The following SULT2B1 variants were observed in gnomAD, a reference collection of about 807,000 sequenced individuals.
SULT2B1 encodes the protein sulfotransferase family 2B member 1, also known as sulfotransferase 2B1.
Under a neutral mutation model 33.2 loss-of-function variants are expected in SULT2B1, and 16 were observed. The ratio of observed to expected loss-of-function variants is 0.48; its 90% confidence interval spans 0.33 to 0.73. The LOEUF is 0.73. SULT2B1 is among the 30% of genes least tolerant of loss of function. The pLI is 0.02. For missense variants in SULT2B1, 500 were observed against 506.0 expected (o/e 0.99, Z 0.11); for synonymous variants, 186 against 200.5 (o/e 0.93, Z 0.61).
chr19:48,595,522 C>T (rs62130308), intron 5 of SULT2B1, among the ~76,000 whole-genome samples: 33,331 of 151,894 alleles, frequency 0.22, 3,768 homozygotes, highest in East Asian at 0.33. Context: ...GAGCTGCAGC[C>T]GTGGCAATGG....
At chr19:48,597,421 G>A (rs1973734317) in intron 6 of SULT2B1, among the ~76,000 whole-genome samples, 1 of 147,562 alleles carries the variant, frequency 6.8e-6, no homozygotes, top group Non-Finnish European at 1.5e-5. Flanking sequence ...TCGGCTCACT[G>A]CGACCTCCAC....
In SULT2B1 at chr19:48,566,981, C is replaced by A. The variant is rs142948747; in HGVS notation, c.72-8960C>A. Reference sequence around the variant, plus strand: ...TTGTGTCACTGCACTCCAACCTGGGCGATAGAGCAAGACTCTGTTTTAAAA... The same window carrying A: ...TTGTGTCACTGCACTCCAACCTGGGAGATAGAGCAAGACTCTGTTTTAAAA... On this transcript the variant is annotated intron_variant, in intron 1 of 6. Transcript: ENST00000201586. Among the ~76,000 whole-genome samples the A allele has an allele frequency of 5.3e-5, 8 of 151,662 alleles. No homozygotes were observed. The East Asian group carries it at 1.5e-3, about 29-fold the overall frequency.
At chr19:48,588,137 G>A (rs1253040899) in intron 3 of SULT2B1, among the ~76,000 whole-genome samples, 2 of 151,156 alleles carry the variant, frequency 1.3e-5, no homozygotes, top group Non-Finnish European at 2.9e-5. Context: ...TGGAACCTGG[G>A]AGGTGGAGGT....
intron 1 of SULT2B1, among the ~76,000 whole-genome samples, chr19:48,568,477 T>A (rs1410696098): frequency 1.3e-5 from 2 of 151,830 alleles, no homozygotes; most frequent in African/African-American, 4.8e-5. Context: ...CCCTAAGAGG[T>A]TATGCCAGTC....
Position 48,591,714 on chromosome 19 carries a change from A to G in SULT2B1, c.529A>G (p.Arg177Gly), listed in dbSNP as rs1224794238. ...CCCGGGCACACCCGACCAGTTCCTG[A>G]GGGACTTCCTCAAAGGCGAAGGTGG... ...KDPGTPDQFLRDFLKGEVQFG... is the reference protein window; with the variant it reads ...KDPGTPDQFLGDFLKGEVQFG... The change falls in exon 4 of 7, where the codon AGG becomes GGG. Residue 177 changes from arginine (R) to glycine (G), a missense_variant. By Grantham distance (125) the Arg-to-Gly change is moderately radical. Transcript: ENST00000201586. 14 of 1,595,826 alleles carry G rather than the reference A, an allele frequency of 8.8e-6. No individual in the cohort carries two copies. Among genetic ancestry groups the G allele is most frequent in the African/African-American group, 2.7e-5 (2 of 74,244 alleles).
intron 1 of SULT2B1, among the ~76,000 whole-genome samples, chr19:48,554,702 C>T (rs1316869327): frequency 1.5e-5 from 2 of 129,598 alleles, no homozygotes; most frequent in African/African-American, 5.7e-5. Context: ...CTGGCTCTGT[C>T]ACCCAGGCTG....
At chr19:48,578,919 T>A (rs1387599223) in intron 2 of SULT2B1, among the ~76,000 whole-genome samples, 1 of 151,810 alleles carries the variant, frequency 6.6e-6, no homozygotes, top group Non-Finnish European at 1.5e-5. Flanking sequence ...AACATTATCA[T>A]CATCCAACAA....
chr19:48,559,993 G>A (rs2147598036), intron 1 of SULT2B1, among the ~76,000 whole-genome samples: 1 of 151,504 alleles, frequency 6.6e-6, no homozygotes, highest in South Asian at 2.1e-4. Context: ...AAGAAAAGAA[G>A]AATGCCCACA....
At chr19:48,560,748 G>T (rs1973165307) in intron 1 of SULT2B1, among the ~76,000 whole-genome samples, 1 of 151,780 alleles carries the variant, frequency 6.6e-6, no homozygotes, top group Non-Finnish European at 1.5e-5. Flanking sequence ...ATCCCTTGAG[G>T]TCAGGAGTTC....
At chr19:48,595,222 C>T (rs566038276) in intron 5 of SULT2B1, among the ~76,000 whole-genome samples, 56 of 151,962 alleles carry the variant, frequency 3.7e-4, no homozygotes, top group Admixed American at 3.0e-3. Context: ...GCAGAGGTTG[C>T]GGTGAGACGA....
intron 5 of SULT2B1, among the ~76,000 whole-genome samples, chr19:48,594,044 A>G (rs1973679574): frequency 6.6e-6 from 1 of 151,728 alleles, no homozygotes; most frequent in Admixed American, 6.6e-5. Context: ...AGATCACCTG[A>G]GCTCAGGAGT....
chr19:48,564,569 A>G (rs1277737730), intron 1 of SULT2B1, among the ~76,000 whole-genome samples: 5 of 150,942 alleles, frequency 3.3e-5, no homozygotes, highest in Non-Finnish European at 7.4e-5. Context: ...AAAAAAAAAA[A>G]AAAAAAGAAA....
intron 2 of SULT2B1, among the ~76,000 whole-genome samples, chr19:48,581,029 CTTTTTTTTTTTTTT>C (rs57093444): frequency 1.5e-4 from 10 of 65,096 alleles, no homozygotes; most frequent in African/African-American, 6.4e-4. Flanking sequence ...ATATATATTC[CTTTTTTTTTTTTTT>C]TTTTTTTTTT....
At chr19:48,591,868 A>T (rs1204760683) in intron 4 of SULT2B1, 133 bp downstream of exon 4, 4 of 1,086,130 alleles carry the variant, frequency 3.7e-6, no homozygotes, top group Non-Finnish European at 4.8e-6. Context: ...CAATAGAGAC[A>T]GAGAGCAGGT....
Position 48,552,369 on chromosome 19 carries a change from G to T in SULT2B1, c.71+46G>T. The T allele has an allele frequency of 6.2e-7, 1 of 1,603,112 alleles. No individual in the cohort carries two copies. The highest frequency in any genetic ancestry group is 8.5e-7 in the Non-Finnish European group (1 of 1,172,878). On this transcript the variant is annotated intron_variant, in intron 1 of 6. Transcript: ENST00000201586. The surrounding 1 kb of genome is among the most constrained non-coding windows in gnomAD (Gnocchi z 4.8). ...GGAGCCAGGAGATCCCAGGGAGGAGGTGGCTGTTTGGGGGAGCCGGGGACT... is the reference window on the plus strand; with the variant it reads ...GGAGCCAGGAGATCCCAGGGAGGAGTTGGCTGTTTGGGGGAGCCGGGGACT...
chr19:48,594,133 C>T (rs1177385229), intron 5 of SULT2B1, among the ~76,000 whole-genome samples: 9 of 151,578 alleles, frequency 5.9e-5, no homozygotes, highest in Admixed American at 5.9e-4. Flanking sequence ...TGGTGGCGGG[C>T]GCCTGTAGCC....
At chr19:48,577,636 T>C (rs923191036) in intron 2 of SULT2B1, among the ~76,000 whole-genome samples, 1 of 152,034 alleles carries the variant, frequency 6.6e-6, no homozygotes, top group Admixed American at 6.6e-5. Context: ...AGTGCTGCGA[T>C]TACAGGTGTG....
intron 1 of SULT2B1, among the ~76,000 whole-genome samples, chr19:48,562,129 G>A (rs1973190943): frequency 1.3e-5 from 2 of 152,126 alleles, no homozygotes; most frequent in Non-Finnish European, 1.5e-5. Context: ...GCTTATGCCT[G>A]TAATCCCAAC....
chr19:48,561,591 C>G (rs907079352), intron 1 of SULT2B1, among the ~76,000 whole-genome samples: 3 of 151,972 alleles, frequency 2.0e-5, no homozygotes, highest in Admixed American at 6.6e-5. Context: ...GTGCAGGGTG[C>G]GGTTCCACGG....
Sources: gnomAD v4.1 joint callset for allele counts (sites outside exome capture counted in the v4.1 genomes callset) on GRCh38, gnomAD v4.1.1 for gene constraint, Gnocchi (gnomAD v3.1) non-coding constraint, MANE v1.5 for transcripts, NCBI Gene and HGNC (gene_info 2026-07-23, HGNC 2026-07-21) for gene names.